DDB1: variants seen among roughly 807,000 people sequenced by gnomAD.
The protein encoded by DDB1 is DNA damage-binding protein 1.
DDB1 carries 18 observed loss-of-function variants against 133.1 expected under a neutral mutation model. The observed-to-expected ratio is 0.14, with a 90% CI of 0.09 to 0.20. DDB1 has a LOEUF of 0.20. Among genes scored for constraint, DDB1 ranks in the 10% least tolerant of loss-of-function variants. The pLI is 1.00. For synonymous variants in DDB1, 580 were observed against 550.5 expected, an observed-to-expected ratio of 1.05 and a Z score of -0.75; for missense variants, 828 against 1,459.2, an observed-to-expected ratio of 0.57 and a Z score of 7.05.
At chr11:61,318,844 T>C (rs1463737003) in intron 10 of DDB1, among the ~76,000 whole-genome samples, 2 of 152,218 alleles carry the variant, frequency 1.3e-5, no homozygotes, top group Non-Finnish European at 2.9e-5. Context: ...GCAGGCAGTA[T>C]GAACCCAAAC....
chr11:61,321,147 GC>G (rs1856171162), intron 10 of DDB1: 1 of 153,780 alleles, frequency 6.5e-6, no homozygotes, highest in Admixed American at 6.5e-5. Context: ...CTCCCAAAGT[GC>G]TGTAATGACA....
intron 1 of DDB1, 188 bp downstream of exon 1, chr11:61,332,720 C>T: frequency 4.3e-6 from 2 of 463,794 alleles, no homozygotes; most frequent in Admixed American, 4.2e-5. Flanking sequence ...CGGCTTCCAA[C>T]CCCCAAAAAG....
At chr11:61,322,108 G>A (rs577121403) in intron 9 of DDB1, 188 bp downstream of exon 9, 55 of 625,358 alleles carry the variant, frequency 8.8e-5, no homozygotes, top group African/African-American at 8.2e-4. Context: ...TAGAGATAAT[G>A]TATATAAAGT....
At chr11:61,320,881 CCTCT>C (rs928478533) in intron 10 of DDB1, among the ~76,000 whole-genome samples, 19 of 151,732 alleles carry the variant, frequency 1.3e-4, no homozygotes, top group Admixed American at 2.6e-4. Flanking sequence ...CACTGTGTAG[CCTCT>C]CTTTTTTTTT....
intron 23 of DDB1, 128 bp downstream of exon 23, chr11:61,302,918 T>C: frequency 1.6e-6 from 2 of 1,277,900 alleles, no homozygotes; most frequent in Non-Finnish European, 2.2e-6. Flanking sequence ...TTTTATTCTC[T>C]GACGAGGAAA....
chr11:61,329,837 A>C (rs1285713276), intron 3 of DDB1, 121 bp downstream of exon 3: 1 of 913,282 alleles, frequency 1.1e-6, no homozygotes, highest in Non-Finnish European at 1.7e-6. Context: ...GCTCAAACCC[A>C]TAGTGTCTTC....
chr11:61,312,206 A>G, intron 16 of DDB1, 122 bp from the exon 17 acceptor site: 1 of 787,122 alleles, frequency 1.3e-6, no homozygotes, highest in Non-Finnish European at 2.2e-6. Context: ...CATGCTAAAC[A>G]TCACCTGGAG....
chr11:61,303,196 G>A, intron 22 of DDB1, 41 bp from the exon 23 acceptor site: 1 of 1,578,220 alleles, frequency 6.3e-7, no homozygotes, highest in East Asian at 2.2e-5. Context: ...ATAATCAGCA[G>A]TTTGCACGGA....
At chr11:61,322,975 C>T in intron 8 of DDB1, 36 bp downstream of exon 8, 2 of 1,571,556 alleles carry the variant, frequency 1.3e-6, no homozygotes, top group Non-Finnish European at 1.7e-6. Flanking sequence ...ACAGTGAGTA[C>T]AGCAAAAAAG....
chr11:61,332,614 A>C, intron 1 of DDB1: 1 of 336,742 alleles, frequency 3.0e-6, no homozygotes, highest in Non-Finnish European at 5.4e-6. Flanking sequence ...GGCCCAAACG[A>C]CACCGCACAA....
intron 7 of DDB1, chr11:61,323,777 G>T: frequency 1.8e-6 from 1 of 558,402 alleles, no homozygotes; most frequent in Non-Finnish European, 3.2e-6. Flanking sequence ...TTTCTCACAG[G>T]CTGCTTGGAT....
chr11:61,313,605 G>A lies in DDB1; in HGVS notation c.1963C>T (p.Arg655Cys), dbSNP rs1459620789. The change falls in exon 16 of 27, where the codon CGC becomes TGC. Residue 655 changes from arginine to cysteine, a missense_variant. By Grantham distance (180) the Arg-to-Cys change is radical (BLOSUM62 -3). Transcript: ENST00000301764. ...TTGCTGCTATAGATGACAGTGGGGC[G>A]GTCAGAACAAGCAAAGACGTTGGTG... Reference protein sequence around the residue: ...STTNVFACSDRPTVIYSSNHK... With the variant: ...STTNVFACSDCPTVIYSSNHK... The A allele has an allele frequency of 1.9e-6, 3 of 1,613,980 alleles. No individual in the cohort carries two copies. The highest frequency in any genetic ancestry group is 2.2e-5 in the South Asian group (2 of 91,088).
Position 61,304,063 on chromosome 11 carries a change from A to T in DDB1, c.2662-28T>A, listed in dbSNP as rs1375398835. ...GGGAAGGGCATTGTCTCTCTCAGCCAAAGGGGCCAGAGCTCTCTCAGAATG... is the reference window on the plus strand; with the variant it reads ...GGGAAGGGCATTGTCTCTCTCAGCCTAAGGGGCCAGAGCTCTCTCAGAATG... On this transcript the variant is annotated intron_variant, in intron 21 of 26. Coordinates refer to ENST00000301764, the MANE Select transcript of DDB1 (RefSeq NM_001923.5). 3.1e-6 allele frequency: 5 copies of T among 1,612,496 alleles called. No individual in the cohort carries two copies. The African/African-American group carries it at 6.7e-5, about 22-fold the overall frequency.
chr11:61,324,141 C>A lies in DDB1; in HGVS notation c.763-4G>T. 1 of 1,613,964 alleles carries A rather than the reference C, an allele frequency of 6.2e-7. No individual in the cohort carries two copies. Among genetic ancestry groups the A allele is most frequent in the Middle Eastern group, 1.7e-4 (1 of 6,032 alleles). On this transcript the variant is annotated splice_polypyrimidine_tract_variant and splice_region_variant and intron_variant, in intron 6 of 26. Transcript: ENST00000301764. ...TGTGGCACACAATCGTGCTTTGCTGCCAATTGGAAGGAAACAGTCATTAGA... is the reference window on the plus strand; with the variant it reads ...TGTGGCACACAATCGTGCTTTGCTGACAATTGGAAGGAAACAGTCATTAGA...
Position 61,329,513 on chromosome 11 carries a change from C to T in DDB1, c.399G>A (p.Leu133=), listed in dbSNP as rs374494157. 5.6e-6 allele frequency: 9 copies of T among 1,614,098 alleles called. No individual in the cohort carries two copies. Among genetic ancestry groups the T allele is most frequent in the Non-Finnish European group, 7.6e-6 (9 of 1,180,050 alleles). ...CCTTGAAAAGGCCATCATAGAGACG[C>T]AGGCCAATCATCCGGCACTCAGGGT... is the stretch of plus-strand genomic sequence containing the variant. ...IIDPECRMIG[L]RLYDGLFKVI... The change falls in exon 4 of 27, where the codon CTG becomes CTA. Residue 133 remains leucine, a synonymous_variant. Coordinates refer to ENST00000301764, the MANE Select transcript of DDB1 (RefSeq NM_001923.5).
At chr11:61,326,959 G>C (rs558289234) in intron 4 of DDB1, 66 bp from the exon 5 acceptor site, 3 of 1,203,622 alleles carry the variant, frequency 2.5e-6, no homozygotes, top group African/African-American at 3.0e-5. Context: ...GAGAGGTGCT[G>C]TAAGGAATAA....
intron 6 of DDB1, among the ~76,000 whole-genome samples, chr11:61,324,898 C>T (rs929258964): frequency 3.9e-5 from 6 of 152,120 alleles, no homozygotes; most frequent in Non-Finnish European, 7.4e-5. Context: ...CCTGTAATCC[C>T]GGCACTTTGG....
chr11:61,320,659 G>A (rs941137493), intron 10 of DDB1, among the ~76,000 whole-genome samples: 2 of 151,818 alleles, frequency 1.3e-5, no homozygotes, highest in Admixed American at 6.6e-5. Context: ...CAAGTGGCTA[G>A]GACTACAGTC....
intron 3 of DDB1, 71 bp from the exon 4 acceptor site, chr11:61,329,655 T>C (rs535877246): frequency 6.9e-7 from 1 of 1,439,436 alleles, no homozygotes; most frequent in Non-Finnish European, 9.4e-7. Flanking sequence ...TGGGCACCAC[T>C]TGTGCAGAAA....
Sources: allele counts gnomAD v4.1 joint callset (sites outside exome capture counted in the v4.1 genomes callset), GRCh38; gene constraint gnomAD v4.1.1; transcripts MANE v1.5; gene names NCBI Gene and HGNC (gene_info 2026-07-23, HGNC 2026-07-21).